The following LMX1B variants were observed in gnomAD, a reference collection of about 807,000 sequenced individuals.
LMX1B encodes LIM homeobox transcription factor 1 beta, also known as LIM homeobox transcription factor 1-beta.
Under a neutral mutation model 51.4 loss-of-function variants are expected in LMX1B, and 12 were observed. That is an observed-to-expected ratio of 0.23 (90% CI 0.15 to 0.38). The LOEUF is 0.38. Ranked by LOEUF, LMX1B falls within the 10% of genes least tolerant of loss-of-function variation. LMX1B has a pLI of 1.00. For missense variants in LMX1B, 445 were observed against 571.1 expected (o/e 0.78, Z 2.25); for synonymous variants, 237 against 235.4 (o/e 1.01, Z -0.06).
At chr9:126,647,640 A>C (rs1004867370) in intron 2 of LMX1B, among the ~76,000 whole-genome samples, 2 of 152,220 alleles carry the variant, frequency 1.3e-5, no homozygotes, top group Non-Finnish European at 2.9e-5. Context: ...TTCAGGGGGA[A>C]ATCCATGACC....
chr9:126,667,334 C>T (rs551512749), intron 2 of LMX1B, among the ~76,000 whole-genome samples: 76 of 152,346 alleles, frequency 5.0e-4, no homozygotes, highest in Non-Finnish European at 9.1e-4. Context: ...CGTAACAGTC[C>T]AGGGAATGGG....
chr9:126,628,703 T>C (rs1021972376), intron 2 of LMX1B, among the ~76,000 whole-genome samples: 27 of 152,220 alleles, frequency 1.8e-4, no homozygotes, highest in African/African-American at 5.1e-4. Flanking sequence ...GCATGAAATA[T>C]GACTTTTATA....
chr9:126,693,190 G>A lies in LMX1B; in HGVS notation c.608G>A (p.Gly203Asp), dbSNP rs750404792. 12 of 1,604,270 alleles carry A rather than the reference G, an allele frequency of 7.5e-6. No homozygotes were observed. In the South Asian group the frequency reaches 1.3e-4, roughly 18 times the overall value. Reference protein sequence around the residue: ...DGDMKPAKGQGSQSKGSGDDG... With the variant: ...DGDMKPAKGQDSQSKGSGDDG... ...GACATGAAGCCGGCCAAGGGGCAGG[G>A]CAGTCAGAGCAAGGGCAGCGGGGAT... is the stretch of plus-strand genomic sequence containing the variant. The change falls in exon 4 of 8, where the codon GGC (glycine) becomes GAC (aspartate). Residue 203 changes from glycine (G) to aspartate (D), a missense_variant. This residue lies in a region of LMX1B where 273 missense variants were observed against 343.3 expected (regional missense o/e 0.80). Coordinates refer to ENST00000373474, the MANE Select transcript of LMX1B (RefSeq NM_001174147.2).
At chr9:126,623,578 T>A (rs1008389478) in intron 2 of LMX1B, among the ~76,000 whole-genome samples, 12 of 152,186 alleles carry the variant, frequency 7.9e-5, no homozygotes, top group Non-Finnish European at 1.5e-4. Flanking sequence ...TGTAGCAGAT[T>A]TCCCCCCCAG....
At chr9:126,660,604 G>A (rs1420814734) in intron 2 of LMX1B, among the ~76,000 whole-genome samples, 2 of 152,218 alleles carry the variant, frequency 1.3e-5, no homozygotes, top group Non-Finnish European at 2.9e-5. Context: ...CACTGTGAGA[G>A]TTAACTGAGT....
intron 2 of LMX1B, among the ~76,000 whole-genome samples, chr9:126,656,447 G>A (rs1836119598): frequency 6.6e-6 from 1 of 152,096 alleles, no homozygotes; most frequent in African/African-American, 2.4e-5. Context: ...AGGATAGATA[G>A]ATCCTCAGAG....
chr9:126,694,757 T>C (rs2030265904), intron 6 of LMX1B, among the ~76,000 whole-genome samples: 1 of 152,064 alleles, frequency 6.6e-6, no homozygotes, highest in African/African-American at 2.4e-5. Flanking sequence ...CTTCCTCGCT[T>C]CCCCCTCTGC....
At chr9:126,655,088 G>A (rs1219409768) in intron 2 of LMX1B, among the ~76,000 whole-genome samples, 1 of 152,228 alleles carries the variant, frequency 6.6e-6, no homozygotes, top group Non-Finnish European at 1.5e-5. Context: ...GCACTCCTGG[G>A]AGGAGCAAAG....
intron 6 of LMX1B, 58 bp downstream of exon 6, chr9:126,693,870 T>TG (rs1564170177): frequency 2.4e-6 from 2 of 832,356 alleles, no homozygotes; most frequent in Non-Finnish European, 3.9e-6. Context: ...GGGCCAGGGG[T>TG]GGGCCTAGGC....
At chr9:126,653,973 C>A (rs1398713446) in intron 2 of LMX1B, among the ~76,000 whole-genome samples, 1 of 152,164 alleles carries the variant, frequency 6.6e-6, no homozygotes, top group Non-Finnish European at 1.5e-5. Context: ...TCCATTGGAC[C>A]TGGACTCCCA....
In LMX1B at chr9:126,697,386, T is replaced by C. The variant is rs186360995; in HGVS notation, c.*935T>C. The C allele has an allele frequency of 6.6e-6, 1 of 151,038 alleles. No homozygotes were observed. The highest frequency in any genetic ancestry group is 6.6e-5 in the Admixed American group (1 of 15,114). 9.4% of individuals were successfully genotyped at this position (151,038 alleles called of 1,614,324 possible). A position where few individuals can be genotyped will look rare whatever the true frequency, so the allele number is the denominator to read the frequency against. On this transcript the variant is annotated 3_prime_UTR_variant, in exon 8 of 8. Transcript: ENST00000373474. ...GACCAGACAACAGAGCCTCCAGGGG[T>C]CAGGGACTTCAGAAGCACCTGCTGG...
At position 126,626,814 on chromosome 9, in the gene LMX1B, G is replaced by T. The variant is rs1194445351; in HGVS notation, c.326+11245G>T. 6.6e-6 allele frequency among the ~76,000 whole-genome samples: 1 copy of T among 152,142 alleles called. No homozygotes were observed. The highest frequency in any genetic ancestry group is 2.4e-5 in the African/African-American group (1 of 41,422). Reference sequence around the variant, plus strand: ...CCCGCGGCGGTGATTTGTGTGCGGGGGTCTGTGACCCTGCAAGCATCAAAC... The same window carrying T: ...CCCGCGGCGGTGATTTGTGTGCGGGTGTCTGTGACCCTGCAAGCATCAAAC... On this transcript the variant is annotated intron_variant, in intron 2 of 7. Coordinates refer to ENST00000373474, the MANE Select transcript of LMX1B (RefSeq NM_001174147.2). The surrounding 1 kb of genome is among the most constrained non-coding windows in gnomAD (Gnocchi z 4.3).
chr9:126,635,288 C>T (rs930539742), intron 2 of LMX1B, among the ~76,000 whole-genome samples: 6 of 152,208 alleles, frequency 3.9e-5, no homozygotes, highest in Non-Finnish European at 7.3e-5. Flanking sequence ...GGAGCAGGCC[C>T]GGGGCTTACA....
chr9:126,617,078 T>G (rs1474496267), intron 2 of LMX1B, among the ~76,000 whole-genome samples: 1 of 152,214 alleles, frequency 6.6e-6, no homozygotes, highest in Non-Finnish European at 1.5e-5. Context: ...TGATTCTAGT[T>G]CCGGGAGAGG....
In LMX1B at chr9:126,626,129, T is replaced by C. The variant is rs569416236; in HGVS notation, c.326+10560T>C. Among the ~76,000 whole-genome samples the C allele has an allele frequency of 3.0e-4, 46 of 152,322 alleles. No homozygotes were observed. The highest frequency in any genetic ancestry group is 1.1e-3 in the African/African-American group (44 of 41,572). On this transcript the variant is annotated intron_variant, in intron 2 of 7. Transcript: ENST00000373474. This position sits in a 1 kb window ranked among gnomAD's most constrained non-coding sequence, Gnocchi z 4.3. Reference sequence around the variant, plus strand: ...GAGGGGGACTTCGGAGGAATTTGTCTCTGATGTCCCGGCTCCCTGGCCTCC... The same window carrying C: ...GAGGGGGACTTCGGAGGAATTTGTCCCTGATGTCCCGGCTCCCTGGCCTCC...
At position 126,671,627 on chromosome 9, in the gene LMX1B, T is replaced by G. The variant is rs952968278; in HGVS notation, c.327-19209T>G. On this transcript the variant is annotated intron_variant, in intron 2 of 7. Transcript: ENST00000373474. The surrounding 1 kb of genome is among the most constrained non-coding windows in gnomAD (Gnocchi z 4.4). ...CAGGCCGGCTCTGGCTCTCTAATCC[T>G]GTATCTTTTGAAAGATAGGCGCACC... Among the ~76,000 whole-genome samples the G allele has an allele frequency of 7.2e-5, 11 of 152,172 alleles. No individual in the cohort carries two copies. Among genetic ancestry groups the G allele is most frequent in the Non-Finnish European group, 1.6e-4 (11 of 68,034 alleles).
At chr9:126,668,025 G>A (rs1328652993) in intron 2 of LMX1B, among the ~76,000 whole-genome samples, 4 of 152,222 alleles carry the variant, frequency 2.6e-5, no homozygotes, top group Non-Finnish European at 5.9e-5. Context: ...CCCACTGGGT[G>A]TGGACAGAGC....
In LMX1B at chr9:126,671,502, C is replaced by T. The variant is rs893025134; in HGVS notation, c.327-19334C>T. Among the ~76,000 whole-genome samples the T allele has an allele frequency of 6.6e-6, 1 of 152,086 alleles. No homozygotes were observed. Among genetic ancestry groups the T allele is most frequent in the African/African-American group, 2.4e-5 (1 of 41,410 alleles). Reference sequence around the variant, plus strand: ...GGGTAAATAGTCGCCGCAGTAATCGCAGGCTGATTCCAACTAATTAAATCC... The same window carrying T: ...GGGTAAATAGTCGCCGCAGTAATCGTAGGCTGATTCCAACTAATTAAATCC... On this transcript the variant is annotated intron_variant, in intron 2 of 7. Transcript: ENST00000373474. The surrounding 1 kb of genome is among the most constrained non-coding windows in gnomAD (Gnocchi z 4.4).
chr9:126,622,840 G>A (rs1835442776), intron 2 of LMX1B, among the ~76,000 whole-genome samples: 1 of 152,244 alleles, frequency 6.6e-6, no homozygotes, highest in Admixed American at 6.5e-5. Context: ...TGGGGATCCA[G>A]AATGTCTCCA....
Sources: allele counts gnomAD v4.1 joint callset (sites outside exome capture counted in the v4.1 genomes callset), GRCh38; gene constraint gnomAD v4.1.1; regional missense constraint gnomAD v4.1.1; non-coding constraint Gnocchi (gnomAD v3.1); transcripts MANE v1.5; gene names NCBI Gene and HGNC (gene_info 2026-07-23, HGNC 2026-07-21).